The following RAB3GAP2 variants were observed in gnomAD, a reference collection of about 807,000 sequenced individuals.
RAB3GAP2 encodes rab3 GTPase-activating protein non-catalytic subunit.
RAB3GAP2 carries 87 observed loss-of-function variants against 185.3 expected under a neutral mutation model. The observed-to-expected ratio is 0.47, with a 90% CI of 0.39 to 0.56. The LOEUF is 0.56. Among genes scored for constraint, RAB3GAP2 ranks in the 20% least tolerant of loss-of-function variants. The pLI, the probability that RAB3GAP2 is intolerant of heterozygous loss-of-function variation, is 0.00. For synonymous variants in RAB3GAP2, 554 were observed against 576.1 expected (o/e 0.96, Z 0.55); for missense variants, 1,492 against 1,638.2 (o/e 0.91, Z 1.54).
At chr1:220,186,614 T>C (rs1167222582) in intron 17 of RAB3GAP2, among the ~76,000 whole-genome samples, 1 of 152,178 alleles carries the variant, frequency 6.6e-6, no homozygotes, top group Non-Finnish European at 1.5e-5. Flanking sequence ...GCTAGCTTGT[T>C]TTCTTCCCCA....
At chr1:220,209,557 A>C (rs897836035) in intron 7 of RAB3GAP2, among the ~76,000 whole-genome samples, 3 of 152,176 alleles carry the variant, frequency 2.0e-5, no homozygotes, top group African/African-American at 7.2e-5. Context: ...ATTACCAATA[A>C]ATTAGGTATT....
intron 1 of RAB3GAP2, among the ~76,000 whole-genome samples, chr1:220,241,574 C>T (rs1659698934): frequency 6.6e-6 from 1 of 152,032 alleles, no homozygotes; most frequent in African/African-American, 2.4e-5. Flanking sequence ...AGAAAAGCAT[C>T]ACCCAGCAGT....
At position 220,213,882 on chromosome 1, in the gene RAB3GAP2, C is replaced by T. The variant is rs371630366; in HGVS notation, c.278G>A (p.Arg93Gln). ...SPTNDLMVIA[R>Q]EQKAVFLVPK... is the part of the protein sequence containing the mutation. ...CACTAGAAATACAGCTTTTTGCTCT[C>T]GAGCTATCACCATAAGATCATTGGT... is the stretch of plus-strand genomic sequence containing the variant. The change falls in exon 3 of 35, where the codon CGA becomes CAA. Residue 93 changes from arginine (R) to glutamine (Q), a missense_variant. Transcript: ENST00000358951. The T allele has an allele frequency of 3.7e-6, 6 of 1,613,266 alleles. No individual in the cohort carries two copies. Among genetic ancestry groups the T allele is most frequent in the African/African-American group, 2.7e-5 (2 of 74,886 alleles).
chr1:220,224,776 C>T (rs1318227169), intron 2 of RAB3GAP2, among the ~76,000 whole-genome samples: 1 of 152,152 alleles, frequency 6.6e-6, no homozygotes, highest in Non-Finnish European at 1.5e-5. Flanking sequence ...ACTGAGTTTA[C>T]AGTTCCTAGA....
chr1:220,245,654 G>C (rs1161790484), intron 1 of RAB3GAP2, among the ~76,000 whole-genome samples: 1 of 151,752 alleles, frequency 6.6e-6, no homozygotes, highest in Non-Finnish European at 1.5e-5. Context: ...CCCCAACTGG[G>C]TGGAGCCCAC....
At chr1:220,266,891 G>T (rs1042074034) in intron 1 of RAB3GAP2, 2 of 1,592,626 alleles carry the variant, frequency 1.3e-6, no homozygotes, top group South Asian at 1.1e-5. Flanking sequence ...TTCTCAACCC[G>T]TGATATTCTT....
At chr1:220,159,529 T>C in intron 28 of RAB3GAP2, 108 bp from the exon 29 acceptor site, 1 of 814,048 alleles carries the variant, frequency 1.2e-6, no homozygotes, top group Non-Finnish European at 2.0e-6. Flanking sequence ...TAAATGGCGC[T>C]ATAAGTAAAT....
At chr1:220,212,642 C>T (rs1311406960) in intron 4 of RAB3GAP2, among the ~76,000 whole-genome samples, 6 of 151,954 alleles carry the variant, frequency 3.9e-5, no homozygotes, top group South Asian at 2.1e-4. Flanking sequence ...TACAGGTGTG[C>T]GCATCACATC....
At position 220,154,436 on chromosome 1, in the gene RAB3GAP2, C is replaced by T. The variant is rs558454810; in HGVS notation, c.3556-379G>A. The T allele has an allele frequency of 1.8e-5, 4 of 220,768 alleles. No homozygotes were observed. The South Asian group carries it at 2.7e-4, about 15-fold the overall frequency. 13.7% of individuals were successfully genotyped at this position (220,768 alleles called of 1,614,324 possible). A position where few individuals can be genotyped will look rare whatever the true frequency, so the allele number is the denominator to read the frequency against. On this transcript the variant is annotated intron_variant, in intron 31 of 34. Coordinates refer to ENST00000358951, the MANE Select transcript of RAB3GAP2 (RefSeq NM_012414.4). Reference sequence around the variant, plus strand: ...ACTTGTTCTGCAGGAAGCCAGGTTCCGTGTTGTGAGCTGCTGTATGGAGAG... The same window carrying T: ...ACTTGTTCTGCAGGAAGCCAGGTTCTGTGTTGTGAGCTGCTGTATGGAGAG...
chr1:220,263,062 C>A (rs1404160933), intron 1 of RAB3GAP2, among the ~76,000 whole-genome samples: 2 of 151,182 alleles, frequency 1.3e-5, no homozygotes, highest in East Asian at 4.4e-4. Context: ...TGTTAAGCAT[C>A]TTTTCATGTT....
chr1:220,153,517 T>C, intron 32 of RAB3GAP2, 111 bp from the exon 33 acceptor site: 1 of 980,358 alleles, frequency 1.0e-6, no homozygotes, highest in Non-Finnish European at 1.6e-6. Flanking sequence ...TTCCATTAAA[T>C]TGTTTAGTTA....
intron 33 of RAB3GAP2, among the ~76,000 whole-genome samples, chr1:220,151,965 T>TC (rs1450509750): frequency 6.6e-6 from 1 of 152,212 alleles, no homozygotes; most frequent in Non-Finnish European, 1.5e-5. Context: ...AATTTTTTTT[T>TC]CTCTCATCAC....
At chr1:220,192,962 G>T (rs1571892634) in intron 13 of RAB3GAP2, among the ~76,000 whole-genome samples, 1 of 152,152 alleles carries the variant, frequency 6.6e-6, no homozygotes, top group Admixed American at 6.5e-5. Flanking sequence ...TGTAGCAGGG[G>T]CAAGAAACTG....
Position 220,272,308 on chromosome 1 carries a change from G to A in RAB3GAP2, c.30C>T (p.Tyr10=). 6.2e-7 allele frequency: 1 copy of A among 1,612,520 alleles called. No individual in the cohort carries two copies. Among genetic ancestry groups the A allele is most frequent in the East Asian group, 2.2e-5 (1 of 44,808 alleles). MACSIVQFC[Y]FQDLQAARDF... is the part of the protein sequence containing the mutation. ...CCCGGGCGGCCTGGAGGTCCTGGAA[G>A]TAGCAGAACTGGACAATGGAGCAGG... The change falls in exon 1 of 35, where the codon TAC becomes TAT. Residue 10 remains tyrosine, a synonymous_variant. Transcript: ENST00000358951.
intron 1 of RAB3GAP2, among the ~76,000 whole-genome samples, chr1:220,251,919 G>A (rs796419073): frequency 3.9e-5 from 6 of 152,254 alleles, no homozygotes; most frequent in African/African-American, 1.4e-4. Context: ...GAAAGCCGAG[G>A]TGGTGGGATT....
chr1:220,243,092 C>T (rs984281384), intron 1 of RAB3GAP2, among the ~76,000 whole-genome samples: 10 of 152,090 alleles, frequency 6.6e-5, no homozygotes, highest in South Asian at 2.1e-4. Context: ...CGGCGGCTCA[C>T]GCCTGTAATC....
At chr1:220,241,477 A>G (rs1049010175) in intron 1 of RAB3GAP2, among the ~76,000 whole-genome samples, 2 of 152,098 alleles carry the variant, frequency 1.3e-5, no homozygotes, top group Non-Finnish European at 2.9e-5. Flanking sequence ...ACTTGCTTCT[A>G]TAAAAAGTAA....
At chr1:220,249,524 T>A (rs1558170338) in intron 1 of RAB3GAP2, among the ~76,000 whole-genome samples, 1 of 152,072 alleles carries the variant, frequency 6.6e-6, no homozygotes, top group Non-Finnish European at 1.5e-5. Flanking sequence ...GACAATACAA[T>A]AGAAAAGAAA....
intron 1 of RAB3GAP2, among the ~76,000 whole-genome samples, chr1:220,245,473 G>A (rs1025793006): frequency 6.6e-6 from 1 of 152,194 alleles, no homozygotes. Context: ...CTTAAAAAAC[G>A]GCGCACCACG....
Sources: allele counts gnomAD v4.1 joint callset (sites outside exome capture counted in the v4.1 genomes callset), GRCh38; gene constraint gnomAD v4.1.1; transcripts MANE v1.5; gene names NCBI Gene and HGNC (gene_info 2026-07-23, HGNC 2026-07-21).